GPC1: variants seen among roughly 807,000 people sequenced by gnomAD.
GPC1 encodes glypican 1.
A neutral mutation model predicts 51.5 loss-of-function variants in GPC1; 26 were observed. The ratio of observed to expected loss-of-function variants is 0.50; its 90% CI spans 0.37 to 0.70. The LOEUF is 0.70. GPC1 is among the 30% of genes least tolerant of loss of function. GPC1 has a pLI of 0.00. For synonymous variants in GPC1, 380 were observed against 348.3 expected, an observed-to-expected ratio of 1.09 and a Z score of -1.01; for missense variants, 775 against 800.5, an observed-to-expected ratio of 0.97 and a Z score of 0.38.
chr2:240,462,260 A>T lies in GPC1; in HGVS notation c.395A>T (p.Glu132Val). The T allele has an allele frequency of 6.2e-7, 1 of 1,610,658 alleles. No homozygotes were observed. The highest frequency in any genetic ancestry group is 8.5e-7 in the Non-Finnish European group (1 of 1,178,908). ...LQATFPGAFG[E>V]LYTQNARAFR... The stretch of plus-strand genomic sequence containing the variant: ...GCCACCTTCCCCGGCGCCTTCGGAG[A>T]GCTGTACACGCAGAACGCGAGGGCC... Residue 132 changes from glutamate to valine, a missense_variant, in exon 3 of 9, where the codon GAG becomes GTG. Physicochemically the swap from Glu to Val is moderately radical, Grantham distance 121 (BLOSUM62 -2). Transcript: ENST00000264039.
chr2:240,449,992 A>G (rs1012881650), intron 1 of GPC1: 7 of 455,222 alleles, frequency 1.5e-5, no homozygotes, highest in African/African-American at 4.0e-5. Flanking sequence ...GGCTCTGGTG[A>G]ATAATGCTGT....
intron 3 of GPC1, 82 bp from the exon 4 acceptor site, chr2:240,463,265 A>T (rs1437115153): frequency 1.6e-6 from 2 of 1,242,862 alleles, no homozygotes; most frequent in African/African-American, 3.0e-5. Context: ...AGAGCCCCCT[A>T]CCCTGGGGCT....
chr2:240,451,085 C>T (rs750435369), intron 1 of GPC1: 47 of 469,622 alleles, frequency 1.0e-4, no homozygotes, highest in South Asian at 4.5e-4. Flanking sequence ...GTGGTTGGGT[C>T]GGAGGTGAGC....
chr2:240,444,624 C>A (rs2074038110), intron 1 of GPC1, among the ~76,000 whole-genome samples: 1 of 144,574 alleles, frequency 6.9e-6, no homozygotes, highest in African/African-American at 2.5e-5. Context: ...AAGTCTGTGG[C>A]CTGTGCGCAC....
At chr2:240,464,834 G>A (rs2074247233) in intron 5 of GPC1, 22 bp from the exon 6 acceptor site, 4 of 1,560,780 alleles carry the variant, frequency 2.6e-6, no homozygotes, top group Non-Finnish European at 3.5e-6. Flanking sequence ...TACCCCCCAA[G>A]GACCCTGCAG....
chr2:240,436,560 C>G (rs112307524), intron 1 of GPC1, among the ~76,000 whole-genome samples: 16 of 152,354 alleles, frequency 1.1e-4, no homozygotes, highest in African/African-American at 3.8e-4. Context: ...CCCTTCTGCT[C>G]TGTACAGACC....
At chr2:240,461,171 G>T (rs564768930) in intron 2 of GPC1, among the ~76,000 whole-genome samples, 2 of 152,330 alleles carry the variant, frequency 1.3e-5, no homozygotes, top group African/African-American at 4.8e-5. Flanking sequence ...ACACTGGACA[G>T]CTGTGTGGCC....
Position 240,464,948 on chromosome 2 carries a change from G to A in GPC1, c.1107G>A (p.Arg369=). The A allele has an allele frequency of 6.4e-7, 1 of 1,552,496 alleles. No individual in the cohort carries two copies. The highest frequency in any genetic ancestry group is 8.7e-7 in the Non-Finnish European group (1 of 1,148,250). ...RRRGKLAPRE[R]PPSGTLEKLV... ...GGGGCAAGCTGGCCCCGCGGGAGAG[G>A]CCACCTTCAGGCACGCTGGAGAAGC... is the stretch of plus-strand genomic sequence containing the variant. The change falls in exon 6 of 9, where the codon AGG becomes AGA. Residue 369 remains arginine, a synonymous_variant. Coordinates refer to ENST00000264039, the MANE Select transcript of GPC1 (RefSeq NM_002081.3).
chr2:240,436,267 C>T (rs926344864), intron 1 of GPC1, among the ~76,000 whole-genome samples, 183 bp downstream of exon 1: 2 of 152,118 alleles, frequency 1.3e-5, no homozygotes, highest in Admixed American at 1.3e-4. Context: ...CGCCTCCAAG[C>T]CCCGCGCCGC....
intron 1 of GPC1, among the ~76,000 whole-genome samples, chr2:240,457,770 C>G (rs2074181172): frequency 6.6e-6 from 1 of 152,180 alleles, no homozygotes; most frequent in Non-Finnish European, 1.5e-5. Context: ...CCTTCACTTC[C>G]TGCTGACCCT....
intron 1 of GPC1, chr2:240,450,635 C>T (rs575643748): frequency 6.6e-5 from 31 of 470,782 alleles, no homozygotes; most frequent in South Asian, 2.3e-4. Context: ...CATTCAGGGG[C>T]GTGCCCCGTC....
rs2074278133 is a variant in GPC1, at chr2:240,467,784, C to G, written c.*1494C>G. ...GTTTTGGGATCAGGAGCCCCCAACA[C>G]AGGCAAGTCCACCCCATAATAACCC... is the stretch of plus-strand genomic sequence containing the variant. On this transcript the variant is annotated 3_prime_UTR_variant, in exon 9 of 9. Transcript: ENST00000264039. The G allele has an allele frequency of 6.6e-6, 1 of 152,268 alleles. No homozygotes were observed. The highest frequency in any genetic ancestry group is 1.5e-5 in the Non-Finnish European group (1 of 68,078). 9.4% of individuals were successfully genotyped at this position (152,268 alleles called of 1,614,324 possible). A position where few individuals can be genotyped will look rare whatever the true frequency, so the allele number is the denominator to read the frequency against.
chr2:240,447,522 C>T (rs971881132), intron 1 of GPC1, among the ~76,000 whole-genome samples: 4 of 152,216 alleles, frequency 2.6e-5, no homozygotes, highest in Non-Finnish European at 5.9e-5. Context: ...CCCAGGGAGG[C>T]GGCCTGCCGG....
At chr2:240,451,703 G>C (rs1301957573) in intron 1 of GPC1, 1 of 207,212 alleles carries the variant, frequency 4.8e-6, no homozygotes, top group Non-Finnish European at 9.7e-6. Context: ...TCCCCAGTCT[G>C]AGGCCACAGC....
In GPC1 at chr2:240,448,763, G is replaced by C. The variant is rs960012160; in HGVS notation, c.167-10267G>C. Among the ~76,000 whole-genome samples, 13 of 152,074 alleles carry C rather than the reference G, an allele frequency of 8.5e-5. No individual in the cohort carries two copies. The highest frequency in any genetic ancestry group is 3.1e-4 in the African/African-American group (13 of 41,406). ...CGTGACCGGCAGTTATCCCTCCCCG[G>C]ACGTGGCCTTGCAGACACCAGCCCA... On this transcript the variant is annotated intron_variant, in intron 1 of 8. Coordinates refer to ENST00000264039, the MANE Select transcript of GPC1 (RefSeq NM_002081.3). This position sits in a 1 kb window ranked among gnomAD's most constrained non-coding sequence, Gnocchi z 4.5.
intron 1 of GPC1, among the ~76,000 whole-genome samples, chr2:240,444,932 T>G (rs2074039732): frequency 6.6e-6 from 1 of 152,114 alleles, no homozygotes; most frequent in African/African-American, 2.4e-5. Context: ...CCTGTGACCA[T>G]CTACCAGGCC....
At chr2:240,443,371 G>A (rs924770813) in intron 1 of GPC1, among the ~76,000 whole-genome samples, 1 of 152,240 alleles carries the variant, frequency 6.6e-6, no homozygotes, top group African/African-American at 2.4e-5. Flanking sequence ...AGGCCTGGGG[G>A]CCAGGAGGCT....
chr2:240,445,850 A>C (rs932283330), intron 1 of GPC1, among the ~76,000 whole-genome samples: 1 of 152,090 alleles, frequency 6.6e-6, no homozygotes, highest in Non-Finnish European at 1.5e-5. Context: ...TCTCACTGTG[A>C]CTTTGAATTG....
At chr2:240,436,152 C>T in intron 1 of GPC1, 68 bp downstream of exon 1, 2 of 1,082,348 alleles carry the variant, frequency 1.8e-6, no homozygotes, top group Non-Finnish European at 2.3e-6. Context: ...CTGGTCTTCC[C>T]GACGCGGCTA....
Sources: gnomAD v4.1 joint callset for allele counts (sites outside exome capture counted in the v4.1 genomes callset) on GRCh38, gnomAD v4.1.1 for gene constraint, Gnocchi (gnomAD v3.1) non-coding constraint, MANE v1.5 for transcripts, NCBI Gene and HGNC (gene_info 2026-07-23, HGNC 2026-07-21) for gene names.